DMRT1: variants seen among roughly 807,000 people sequenced by gnomAD.
DMRT1 encodes doublesex and mab-3 related transcription factor 1.
In DMRT1, 7 loss-of-function variants were observed where a neutral mutation model predicts 32.3. The ratio of observed to expected loss-of-function variants is 0.22; its 90% confidence interval spans 0.12 to 0.41. The LOEUF is 0.41. DMRT1 is among the 10% of genes least tolerant of loss of function. DMRT1 has a pLI of 1.00. For synonymous variants in DMRT1, 278 were observed against 206.1 expected, an observed-to-expected ratio of 1.35 and a Z score of -2.99; for missense variants, 625 against 500.5, an observed-to-expected ratio of 1.25 and a Z score of -2.37.
intron 2 of DMRT1, among the ~76,000 whole-genome samples, chr9:860,385 A>C (rs1425968961): frequency 7.1e-6 from 1 of 141,332 alleles, no homozygotes; most frequent in African/African-American, 2.4e-5. Context: ...AAATGGCAAT[A>C]AATGTTTGCT....
chr9:913,152 G>C (rs1446542575), intron 3 of DMRT1, among the ~76,000 whole-genome samples: 1 of 152,140 alleles, frequency 6.6e-6, no homozygotes, highest in Non-Finnish European at 1.5e-5. Flanking sequence ...AAAACATCCA[G>C]CATTTTGCAG....
chr9:941,555 T>C (rs567247869), intron 4 of DMRT1, among the ~76,000 whole-genome samples: 115 of 152,276 alleles, frequency 7.6e-4, no homozygotes, highest in Non-Finnish European at 1.4e-3. Flanking sequence ...TGGAGAGTTA[T>C]CGTTTTTTTG....
rs533637705 is a variant in DMRT1 at position 932,994 on chromosome 9, C to T, written c.967+16087C>T. On this transcript the variant is annotated intron_variant, in intron 4 of 4. Transcript: ENST00000382276. ...ATGGCGTGATCTTGGCCCACTGCAA[C>T]CTCCGTCTCCCGGGTTCAAACGATT... is the stretch of plus-strand genomic sequence containing the variant. 4.6e-5 allele frequency among the ~76,000 whole-genome samples: 7 copies of T among 152,002 alleles called. No individual in the cohort carries two copies. The South Asian group carries it at 8.3e-4, about 18-fold the overall frequency.
chr9:871,516 TTTTTTTGGTAGAGACG>T (rs950349411), intron 2 of DMRT1, among the ~76,000 whole-genome samples: 1 of 148,662 alleles, frequency 6.7e-6, no homozygotes, highest in Non-Finnish European at 1.5e-5. Flanking sequence ...TTTTTTTTTT[TTTTTTTGGTAGAGACG>T]GGGTTTCACC....
intron 2 of DMRT1, among the ~76,000 whole-genome samples, chr9:874,801 C>CTTTTTT (rs71327354): frequency 4.4e-4 from 34 of 76,932 alleles, no homozygotes; most frequent in Middle Eastern, 0.011. Context: ...ACAAGTTAAT[C>CTTTTTT]TTTTTTTTTT....
At chr9:868,306 T>C (rs112858948) in intron 2 of DMRT1, among the ~76,000 whole-genome samples, 10 of 152,210 alleles carry the variant, frequency 6.6e-5, no homozygotes. Context: ...AAGGCAAGCA[T>C]TATCCTGGAT....
chr9:843,948 C>T (rs1838797255), intron 1 of DMRT1, among the ~76,000 whole-genome samples: 1 of 152,066 alleles, frequency 6.6e-6, no homozygotes, highest in African/African-American at 2.4e-5. Context: ...AAAGAATACA[C>T]TGGGTGTGGC....
At chr9:928,369 C>T (rs182067086) in intron 4 of DMRT1, among the ~76,000 whole-genome samples, 2 of 152,254 alleles carry the variant, frequency 1.3e-5, no homozygotes, top group East Asian at 1.9e-4. Flanking sequence ...TACATTGAAT[C>T]CAGGGTCTCT....
At chr9:897,090 ATATTATTATTAT>A (rs35331172) in intron 3 of DMRT1, among the ~76,000 whole-genome samples, 36 of 141,172 alleles carry the variant, frequency 2.6e-4, no homozygotes, top group East Asian at 1.5e-3. Flanking sequence ...TTTTGGAATC[ATATTATTATTAT>A]TATTATTATT....
chr9:872,566 G>A (rs1816319430), intron 2 of DMRT1, among the ~76,000 whole-genome samples: 1 of 152,100 alleles, frequency 6.6e-6, no homozygotes, highest in Non-Finnish European at 1.5e-5. Flanking sequence ...CATGTAAATG[G>A]AATCATACAC....
intron 4 of DMRT1, among the ~76,000 whole-genome samples, chr9:946,146 T>C (rs1819238211): frequency 6.6e-6 from 1 of 152,026 alleles, no homozygotes; most frequent in South Asian, 2.1e-4. Context: ...TTTTTTTTTT[T>C]TGATGTGACA....
At chr9:878,637 T>G (rs931448095) in intron 2 of DMRT1, among the ~76,000 whole-genome samples, 3 of 152,170 alleles carry the variant, frequency 2.0e-5, no homozygotes, top group Non-Finnish European at 4.4e-5. Context: ...CCAGCCCTCC[T>G]GCAGTACCCT....
chr9:849,650 C>T (rs1337564716), intron 2 of DMRT1, among the ~76,000 whole-genome samples: 1 of 152,138 alleles, frequency 6.6e-6, no homozygotes, highest in Admixed American at 6.5e-5. Context: ...AACCAGAGTC[C>T]CTTCCTCACC....
At chr9:842,342 C>A in intron 1 of DMRT1, 150 bp downstream of exon 1, 4 of 1,034,156 alleles carry the variant, frequency 3.9e-6, no homozygotes, top group Non-Finnish European at 5.5e-6. Flanking sequence ...TCAAGCAATT[C>A]TCCTGCCTCA....
At position 916,894 on chromosome 9, in the gene DMRT1, A is replaced by G; in HGVS notation, c.954A>G (p.Glu318=). 6.2e-7 allele frequency: 1 copy of G among 1,614,152 alleles called. No individual in the cohort carries two copies. The highest frequency in any genetic ancestry group is 8.5e-7 in the Non-Finnish European group (1 of 1,180,030). Residue 318 remains glutamate, a synonymous_variant, in exon 4 of 5, where the codon GAA becomes GAG. Coordinates refer to ENST00000382276, the MANE Select transcript of DMRT1 (RefSeq NM_021951.3). ...FTFEDAPSYP[E]ARASVFSPPS... ...TTGAGGATGCTCCCTCTTACCCGGA[A>G]GCCAGGGCGAGCGGTAGGTGTCTGG...
At chr9:878,922 C>T (rs1429083419) in intron 2 of DMRT1, among the ~76,000 whole-genome samples, 1 of 152,142 alleles carries the variant, frequency 6.6e-6, no homozygotes, top group Non-Finnish European at 1.5e-5. Context: ...GATTTCAGAT[C>T]CGATCAATTA....
At chr9:918,522 C>T (rs1291587315) in intron 4 of DMRT1, among the ~76,000 whole-genome samples, 3 of 152,054 alleles carry the variant, frequency 2.0e-5, no homozygotes, top group Non-Finnish European at 2.9e-5. Flanking sequence ...GGTTACAGTC[C>T]AGGAAAGAAA....
At chr9:849,006 G>C (rs1232053163) in intron 2 of DMRT1, among the ~76,000 whole-genome samples, 6 of 150,624 alleles carry the variant, frequency 4.0e-5, no homozygotes, top group East Asian at 1.9e-4. Flanking sequence ...ATGAGAAATG[G>C]GATGTGTCAC....
chr9:870,548 C>T (rs1331328515), intron 2 of DMRT1, among the ~76,000 whole-genome samples: 3 of 151,960 alleles, frequency 2.0e-5, no homozygotes, highest in Admixed American at 6.6e-5. Flanking sequence ...CTTTTAGCCA[C>T]AGCATTGTAG....
Sources: allele counts gnomAD v4.1 joint callset (sites outside exome capture counted in the v4.1 genomes callset), GRCh38; gene constraint gnomAD v4.1.1; transcripts MANE v1.5; gene names NCBI Gene and HGNC (gene_info 2026-07-23, HGNC 2026-07-21).